Variants in LRMDA observed in about 807,000 individuals in gnomAD.
The protein encoded by LRMDA is leucine rich melanocyte differentiation associated.
LRMDA carries 18 observed loss-of-function variants against 29.8 expected under a neutral mutation model. The observed-to-expected ratio is 0.60, with a 90% CI of 0.42 to 0.90. LRMDA has a LOEUF of 0.90. Among genes scored for constraint, LRMDA ranks in the 40% least tolerant of loss-of-function variants. The pLI is 0.00. For synonymous variants in LRMDA, 125 were observed against 109.4 expected, an observed-to-expected ratio of 1.14 and a Z score of -0.89; for missense variants, 273 against 273.9, an observed-to-expected ratio of 1.00 and a Z score of 0.02.
At chr10:75,891,140 C>T (rs1589243016) in intron 2 of LRMDA, among the ~76,000 whole-genome samples, 2 of 150,714 alleles carry the variant, frequency 1.3e-5, no homozygotes, top group Admixed American at 6.6e-5. Flanking sequence ...AGAAAGTTTC[C>T]TGGCCATATT....
At chr10:75,490,737 T>G (rs1303758592) in intron 2 of LRMDA, among the ~76,000 whole-genome samples, 3 of 152,210 alleles carry the variant, frequency 2.0e-5, no homozygotes, top group Non-Finnish European at 4.4e-5. Context: ...TCCATCTATG[T>G]GACCCTACCA....
chr10:76,067,031 C>T (rs1315257383), intron 5 of LRMDA, among the ~76,000 whole-genome samples: 1 of 152,168 alleles, frequency 6.6e-6, no homozygotes, highest in Admixed American at 6.5e-5. Context: ...GGTTAGAGAG[C>T]TGTGTCTAAA....
chr10:76,450,651 TAA>T (rs1842396858), intron 6 of LRMDA, among the ~76,000 whole-genome samples: 1 of 152,194 alleles, frequency 6.6e-6, no homozygotes. Flanking sequence ...AAATATTCTT[TAA>T]ATTTTCTTCC....
intron 6 of LRMDA, among the ~76,000 whole-genome samples, chr10:76,364,925 C>T (rs1311919542): frequency 2.0e-5 from 3 of 151,402 alleles, no homozygotes; most frequent in Non-Finnish European, 2.9e-5. Context: ...GCTTAGCTCC[C>T]GTATATCAGT....
intron 6 of LRMDA, among the ~76,000 whole-genome samples, chr10:76,339,437 T>G (rs1462471174): frequency 2.0e-5 from 3 of 151,920 alleles, no homozygotes; most frequent in Non-Finnish European, 4.4e-5. Context: ...ATACCAAAAG[T>G]CTAATTAAAG....
intron 2 of LRMDA, among the ~76,000 whole-genome samples, chr10:75,911,748 T>C (rs1380914637): frequency 1.3e-5 from 2 of 152,194 alleles, no homozygotes; most frequent in East Asian, 1.9e-4. Context: ...GAAAATAAAA[T>C]GTAGCCCCTG....
chr10:75,729,125 T>G (rs574189375), intron 2 of LRMDA, among the ~76,000 whole-genome samples: 5 of 152,324 alleles, frequency 3.3e-5, no homozygotes, highest in African/African-American at 1.2e-4. Flanking sequence ...TAACAACTCA[T>G]GCAGTCGTCT....
At chr10:75,808,786 G>C (rs1462918303) in intron 2 of LRMDA, among the ~76,000 whole-genome samples, 2 of 152,176 alleles carry the variant, frequency 1.3e-5, no homozygotes, top group African/African-American at 2.4e-5. Context: ...GGGATTACAG[G>C]CATGAGCCAC....
At chr10:75,987,390 C>A (rs914117767) in intron 2 of LRMDA, among the ~76,000 whole-genome samples, 1 of 152,102 alleles carries the variant, frequency 6.6e-6, no homozygotes, top group Non-Finnish European at 1.5e-5. Flanking sequence ...TATCAGTGTC[C>A]CTGGCTTCTA....
intron 6 of LRMDA, among the ~76,000 whole-genome samples, chr10:76,415,602 ATG>A (rs758836213): frequency 1.6e-4 from 21 of 130,528 alleles, no homozygotes; most frequent in African/African-American, 3.6e-4. Context: ...TGGGGCGTGT[ATG>A]TGTGTGTGTG....
intron 2 of LRMDA, among the ~76,000 whole-genome samples, chr10:75,494,913 A>G (rs778553164): frequency 2.6e-5 from 4 of 152,180 alleles, no homozygotes; most frequent in Non-Finnish European, 5.9e-5. Flanking sequence ...TGAACTAATC[A>G]TGGTCCAGGA....
intron 2 of LRMDA, among the ~76,000 whole-genome samples, chr10:75,696,500 G>T (rs1842236663): frequency 6.6e-6 from 1 of 152,176 alleles, no homozygotes; most frequent in African/African-American, 2.4e-5. Flanking sequence ...CTATTGATTG[G>T]TTATTCACAA....
chr10:76,497,489 A>G lies in LRMDA; in HGVS notation c.602-59720A>G, dbSNP rs1181385033. 2.7e-5 allele frequency among the ~76,000 whole-genome samples: 2 copies of G among 74,930 alleles called. 1 individual carries two copies. Among genetic ancestry groups the G allele is most frequent in the Non-Finnish European group, 8.9e-5 (2 of 22,578 alleles). The allele number at this position is 74,930 out of a possible 152,430, so 49.2% of individuals were successfully genotyped here. Reference sequence around the variant, plus strand: ...TTCAACACCCCCTCTTCTTCAGGTAATGTCTGCCACCATGCCCACCACTTC... The same window carrying G: ...TTCAACACCCCCTCTTCTTCAGGTAGTGTCTGCCACCATGCCCACCACTTC... On this transcript the variant is annotated intron_variant, in intron 6 of 6. Transcript: ENST00000611255.
chr10:75,740,652 G>T (rs1233962802), intron 2 of LRMDA, among the ~76,000 whole-genome samples: 1 of 152,188 alleles, frequency 6.6e-6, no homozygotes, highest in Non-Finnish European at 1.5e-5. Context: ...CATGTGCCTG[G>T]CTGTGTATTC....
At chr10:75,690,824 A>G (rs1159243389) in intron 2 of LRMDA, among the ~76,000 whole-genome samples, 1 of 151,264 alleles carries the variant, frequency 6.6e-6, no homozygotes, top group Non-Finnish European at 1.5e-5. Context: ...AAATAAAAAA[A>G]TAGCTGAGCA....
intron 2 of LRMDA, among the ~76,000 whole-genome samples, chr10:75,490,493 A>G (rs1269502481): frequency 1.3e-5 from 2 of 152,216 alleles, no homozygotes; most frequent in Non-Finnish European, 2.9e-5. Flanking sequence ...GTCAAGGAAT[A>G]GAAACTCATT....
chr10:76,247,820 A>G (rs1852402937), intron 5 of LRMDA, among the ~76,000 whole-genome samples: 1 of 152,148 alleles, frequency 6.6e-6, no homozygotes, highest in Non-Finnish European at 1.5e-5. Context: ...TTGACACCCT[A>G]AGACTGCCAT....
intron 2 of LRMDA, among the ~76,000 whole-genome samples, chr10:75,633,175 C>T (rs1343321226): frequency 1.3e-5 from 2 of 152,160 alleles, no homozygotes; most frequent in Non-Finnish European, 2.9e-5. Flanking sequence ...TGCGCACATT[C>T]TTTTAGATCC....
Position 76,203,648 on chromosome 10 carries a change from C to CTCCATGTGCCCGTCCACCCATCTCTAT in LRMDA, c.517-120718_517-120692dup, listed in dbSNP as rs1239235593. Among the ~76,000 whole-genome samples the CTCCATGTGCCCGTCCACCCATCTCTAT allele has an allele frequency of 6.5e-4, 99 of 152,030 alleles. No homozygotes were observed. The Middle Eastern group carries it at 0.01, about 16-fold the overall frequency. On this transcript the variant is annotated intron_variant, in intron 5 of 6. Transcript: ENST00000611255. Reference sequence around the variant, plus strand: ...CTGATAGGGATTGTGCCACCCATCTCTCCATGTGCCCGTCCACCCATCTCT... The same window carrying CTCCATGTGCCCGTCCACCCATCTCTAT: ...CTGATAGGGATTGTGCCACCCATCTCTCCATGTGCCCGTCCACCCATCTCTATTCCATGTGCCCGTCCACCCATCTCT...
Sources: allele counts gnomAD v4.1 joint callset (sites outside exome capture counted in the v4.1 genomes callset), GRCh38; gene constraint gnomAD v4.1.1; transcripts MANE v1.5; gene names NCBI Gene and HGNC (gene_info 2026-07-23, HGNC 2026-07-21).